Variants in RALYL observed in about 807,000 individuals in gnomAD.
RALYL encodes RNA-binding Raly-like protein.
A neutral mutation model predicts 35.1 loss-of-function variants in RALYL; 29 were observed. The ratio of observed to expected loss-of-function variants is 0.83; its 90% CI spans 0.61 to 1.13. The LOEUF (loss-of-function observed/expected upper bound fraction) is 1.13. Among genes scored for constraint, RALYL ranks in the 50% most tolerant of loss-of-function variants. The pLI is 0.00. For synonymous variants in RALYL, 120 were observed against 127.6 expected, an observed-to-expected ratio of 0.94 and a Z score of 0.40; for missense variants, 359 against 360.4, an observed-to-expected ratio of 1.00 and a Z score of 0.03.
intron 2 of RALYL, among the ~76,000 whole-genome samples, chr8:84,615,569 T>A (rs1237550026): frequency 7.9e-6 from 1 of 126,278 alleles, no homozygotes; most frequent in Non-Finnish European, 1.7e-5. Flanking sequence ...AGAACTTTCG[T>A]CTTTTTTTTT....
intron 3 of RALYL, among the ~76,000 whole-genome samples, chr8:84,796,629 T>G (rs1007694496): frequency 6.6e-6 from 1 of 152,234 alleles, no homozygotes; most frequent in African/African-American, 2.4e-5. Flanking sequence ...AACAAAGCTT[T>G]TTTAAATCAG....
chr8:84,461,487 C>T (rs1441693446), intron 1 of RALYL, among the ~76,000 whole-genome samples: 1 of 151,596 alleles, frequency 6.6e-6, no homozygotes, highest in African/African-American at 2.4e-5. Flanking sequence ...GGAATAACTT[C>T]CATTAAACAT....
At chr8:84,461,739 G>T (rs1022303179) in intron 1 of RALYL, among the ~76,000 whole-genome samples, 5 of 151,738 alleles carry the variant, frequency 3.3e-5, no homozygotes, top group South Asian at 4.2e-4. Context: ...ATTGGGATTC[G>T]ATTTTTTGAA....
At chr8:84,722,755 A>G (rs887451374) in intron 2 of RALYL, among the ~76,000 whole-genome samples, 1 of 149,278 alleles carries the variant, frequency 6.7e-6, no homozygotes, top group African/African-American at 2.5e-5. Context: ...CTAGCAATAT[A>G]CTCACTTTAC....
chr8:84,411,342 T>C (rs960178404), intron 1 of RALYL, among the ~76,000 whole-genome samples: 7 of 151,882 alleles, frequency 4.6e-5, no homozygotes, highest in Non-Finnish European at 1.0e-4. Context: ...TTTATTTCCT[T>C]GTTTTCATTT....
intron 4 of RALYL, among the ~76,000 whole-genome samples, chr8:84,826,755 TACGCCCAAACACACCCCC>T (rs1309734777): frequency 1.3e-5 from 2 of 151,482 alleles, no homozygotes; most frequent in African/African-American, 4.9e-5. Flanking sequence ...CCCACACACA[TACGCCCAAACACACCCCC>T]ACGCCCCCGC....
intron 3 of RALYL, among the ~76,000 whole-genome samples, chr8:84,781,665 A>G (rs746523129): frequency 9.9e-5 from 15 of 152,208 alleles, no homozygotes; most frequent in Non-Finnish European, 2.1e-4. Context: ...CAATTTTAAA[A>G]GGAGAAAAGT....
Position 84,388,265 on chromosome 8 carries a change from C to T in RALYL, c.-23-141034C>T, listed in dbSNP as rs569850651. On this transcript the variant is annotated intron_variant, in intron 1 of 8. Coordinates refer to ENST00000521268, the MANE Select transcript of RALYL (RefSeq NM_173848.7). ...CATTGTTGGACATTTGGGTTGGTTC[C>T]AAGTCTTTGCTATTGTGATTAGTGC... Among the ~76,000 whole-genome samples, 13 of 152,120 alleles carry T rather than the reference C, an allele frequency of 8.5e-5. No homozygotes were observed. The East Asian group carries it at 2.1e-3, about 25-fold the overall frequency.
rs1264444615 is a variant in RALYL, at chr8:84,389,220, G to C, written c.-23-140079G>C. ...GATCTATATCTCTGTTTTGGTATCA[G>C]TACCATGCTGTTTTGGTTACTGTAG... On this transcript the variant is annotated intron_variant, in intron 1 of 8. Coordinates refer to ENST00000521268, the MANE Select transcript of RALYL (RefSeq NM_173848.7). 3.9e-5 allele frequency among the ~76,000 whole-genome samples: 6 copies of C among 152,210 alleles called. No individual in the cohort carries two copies. The East Asian group carries it at 1.2e-3, about 30-fold the overall frequency.
chr8:84,447,778 G>GGTATACTA (rs1367707829), intron 1 of RALYL, among the ~76,000 whole-genome samples: 1 of 151,930 alleles, frequency 6.6e-6, no homozygotes, highest in Non-Finnish European at 1.5e-5. Context: ...ACTTTATTTG[G>GGTATACTA]GTATATTAGT....
intron 2 of RALYL, among the ~76,000 whole-genome samples, chr8:84,724,609 T>G (rs144025630): frequency 8.1e-4 from 123 of 151,880 alleles, no homozygotes; most frequent in Middle Eastern, 3.4e-3. Flanking sequence ...AACTTTGTTT[T>G]GACCTCTGCT....
At chr8:84,350,636 T>C (rs1850714726) in intron 1 of RALYL, among the ~76,000 whole-genome samples, 1 of 150,228 alleles carries the variant, frequency 6.7e-6, no homozygotes, top group African/African-American at 2.5e-5. Context: ...GCCACGTTAA[T>C]CAGAGTGCTA....
At chr8:84,395,268 G>T (rs1204333455) in intron 1 of RALYL, among the ~76,000 whole-genome samples, 1 of 151,690 alleles carries the variant, frequency 6.6e-6, no homozygotes, top group African/African-American at 2.4e-5. Context: ...GTCACTGTTA[G>T]GATGCTTTAT....
chr8:84,379,340 G>C lies in RALYL; in HGVS notation c.-23-149959G>C, dbSNP rs552925802. ...CGTTTTTCACAGGTTTAAATGCAGT[G>C]GTTTATGTTCCCTTGACTGATTGTA... On this transcript the variant is annotated intron_variant, in intron 1 of 8. Coordinates refer to ENST00000521268, the MANE Select transcript of RALYL (RefSeq NM_173848.7). Among the ~76,000 whole-genome samples, 4 of 151,950 alleles carry C rather than the reference G, an allele frequency of 2.6e-5. No homozygotes were observed. The East Asian group carries it at 7.8e-4, about 30-fold the overall frequency.
chr8:84,502,242 G>A (rs1178949769), intron 1 of RALYL, among the ~76,000 whole-genome samples: 1 of 151,860 alleles, frequency 6.6e-6, no homozygotes, highest in Non-Finnish European at 1.5e-5. Flanking sequence ...ATATATCTAT[G>A]ACTATATAAT....
intron 8 of RALYL, among the ~76,000 whole-genome samples, chr8:84,901,132 T>C (rs1205246686): frequency 6.6e-6 from 1 of 152,036 alleles, no homozygotes; most frequent in African/African-American, 2.4e-5. Context: ...TATTCCTGGG[T>C]TTATACAACT....
intron 1 of RALYL, among the ~76,000 whole-genome samples, chr8:84,224,199 T>C (rs1478079449): frequency 1.3e-5 from 2 of 152,214 alleles, no homozygotes; most frequent in Admixed American, 1.3e-4. Flanking sequence ...GGCAATATTT[T>C]CGTCCACATC....
At chr8:84,706,335 T>G (rs751325406) in intron 2 of RALYL, among the ~76,000 whole-genome samples, 102 of 152,204 alleles carry the variant, frequency 6.7e-4, no homozygotes, top group Non-Finnish European at 6.3e-4. Context: ...TAGCTCAGCA[T>G]CCTTCATTCA....
chr8:84,823,121 G>T (rs79687990), intron 4 of RALYL, among the ~76,000 whole-genome samples: 3,000 of 152,180 alleles, frequency 0.02, 44 homozygotes, highest in Non-Finnish European at 0.028. Context: ...GTTATAGCAT[G>T]TTATATGATA....
Sources: allele counts gnomAD v4.1 joint callset (sites outside exome capture counted in the v4.1 genomes callset), GRCh38; gene constraint gnomAD v4.1.1; transcripts MANE v1.5; gene names NCBI Gene and HGNC (gene_info 2026-07-23, HGNC 2026-07-21).